The following FSCN3 variants were observed in gnomAD, a reference collection of about 807,000 sequenced individuals.
FSCN3 encodes the protein fascin-3.
In FSCN3, 43 loss-of-function variants were observed where a neutral mutation model predicts 53.5. The ratio of observed to expected loss-of-function variants is 0.80; its 90% CI spans 0.63 to 1.04. FSCN3 has a LOEUF of 1.04. Among genes scored for constraint, FSCN3 ranks in the 50% least tolerant of loss-of-function variants. The pLI, the probability that FSCN3 is intolerant of heterozygous loss-of-function variation, is 0.00. For synonymous variants in FSCN3, 235 were observed against 246.6 expected, an observed-to-expected ratio of 0.95 and a Z score of 0.44; for missense variants, 594 against 646.5, an observed-to-expected ratio of 0.92 and a Z score of 0.88.
rs766064682 is a variant in FSCN3 at position 127,593,832 on chromosome 7, C to T, written c.-22C>T. ...GGGGGAGGGCTGGGCCAGACGGAGA[C>T]ATCACCTGTGGTGTCAGCCCCATGG... On this transcript the variant is annotated 5_prime_UTR_variant, in exon 1 of 7. Coordinates refer to ENST00000265825, the MANE Select transcript of FSCN3 (RefSeq NM_020369.3). The T allele has an allele frequency of 6.4e-6, 10 of 1,556,708 alleles. No individual in the cohort carries two copies. The highest frequency in any genetic ancestry group is 1.9e-5 in the Admixed American group (1 of 51,466).
At position 127,593,767 on chromosome 7, in the gene FSCN3, C is replaced by A; in HGVS notation, c.-87C>A. The A allele has an allele frequency of 2.8e-6, 4 of 1,436,368 alleles. No individual in the cohort carries two copies. The South Asian group carries it at 5.1e-5, about 18-fold the overall frequency. The allele number at this position is 1,436,368 out of a possible 1,614,324, so 89.0% of individuals were successfully genotyped here. On this transcript the variant is annotated 5_prime_UTR_variant, in exon 1 of 7. Coordinates refer to ENST00000265825, the MANE Select transcript of FSCN3 (RefSeq NM_020369.3). ...GGGAACATCTGGTGGGTACTACAGGCCCTATTCCAGGCCCTATGGCCTGTG... is the reference window on the plus strand; with the variant it reads ...GGGAACATCTGGTGGGTACTACAGGACCTATTCCAGGCCCTATGGCCTGTG...
intron 6 of FSCN3, among the ~76,000 whole-genome samples, chr7:127,600,824 G>A (rs1794463217): frequency 6.6e-6 from 1 of 152,058 alleles, no homozygotes; most frequent in Non-Finnish European, 1.5e-5. Flanking sequence ...GGACCCCTGG[G>A]TCTCTTGAAT....
intron 5 of FSCN3, 90 bp from the exon 6 acceptor site, chr7:127,600,104 G>A (rs1794450802): frequency 1.4e-6 from 1 of 738,268 alleles, no homozygotes; most frequent in African/African-American, 1.7e-5. Flanking sequence ...CTAGGGGAGG[G>A]TGGCATGCCT....
chr7:127,596,600 C>CT, intron 3 of FSCN3, 154 bp downstream of exon 3: 1 of 425,808 alleles, frequency 2.3e-6, no homozygotes, highest in South Asian at 7.1e-5. Flanking sequence ...ATGGGGGCTC[C>CT]TTTAAAAAAA....
intron 6 of FSCN3, among the ~76,000 whole-genome samples, chr7:127,601,034 G>A (rs1794467068): frequency 6.6e-6 from 1 of 152,162 alleles, no homozygotes. Context: ...CCTCCCAAAT[G>A]CTCAGGCTCA....
chr7:127,596,409 T>A lies in FSCN3; in HGVS notation c.923T>A (p.Val308Glu). The part of the protein sequence containing the change: ...QFECDSESPT[V>E]QLRSANGYYL... The stretch of plus-strand genomic sequence containing the variant: ...GAATGTGACAGTGAGAGCCCCACTG[T>A]GCAGCTTCGTTCAGCCAATGGCTAC... The change falls in exon 3 of 7, where the codon GTG becomes GAG. Residue 308 changes from valine to glutamate, a missense_variant. By Grantham distance (121) the Val-to-Glu change is moderately radical. Coordinates refer to ENST00000265825, the MANE Select transcript of FSCN3 (RefSeq NM_020369.3). The A allele has an allele frequency of 6.2e-7, 1 of 1,607,934 alleles. No homozygotes were observed. The highest frequency in any genetic ancestry group is 1.1e-5 in the South Asian group (1 of 90,980).
intron 1 of FSCN3, among the ~76,000 whole-genome samples, chr7:127,594,283 C>T (rs1463301670): frequency 3.1e-5 from 3 of 95,726 alleles, no homozygotes; most frequent in Admixed American, 1.2e-4. Flanking sequence ...TGTGTGTGCG[C>T]ACTTGCCTGT....
chr7:127,596,115 G>A, intron 2 of FSCN3, 112 bp downstream of exon 2: 1 of 1,482,954 alleles, frequency 6.7e-7, no homozygotes, highest in Non-Finnish European at 8.9e-7. Context: ...GAAGATCCTG[G>A]GGACCCAAGG....
Position 127,593,996 on chromosome 7 carries a change from A to G in FSCN3, c.143A>G (p.Gln48Arg), listed in dbSNP as rs1794334527. 3 of 1,612,782 alleles carry G rather than the reference A, an allele frequency of 1.9e-6. No individual in the cohort carries two copies. The highest frequency in any genetic ancestry group is 2.5e-6 in the Non-Finnish European group (3 of 1,179,538). The change falls in exon 1 of 7, where the codon CAG becomes CGG. Residue 48 changes from glutamine to arginine, a missense_variant and splice_region_variant. Transcript: ENST00000265825. ...ACTGCGAAGAGTTTGGGCAGGAGACAGGTGACAAAGCAAACCCATGCTGGC... is the reference window on the plus strand; with the variant it reads ...ACTGCGAAGAGTTTGGGCAGGAGACGGGTGACAAAGCAAACCCATGCTGGC... ...TATAKSLGRR[Q>R]TWEILVSNEH... is the part of the protein sequence containing the mutation.
At chr7:127,594,775 A>T (rs1175619502) in intron 1 of FSCN3, 1 of 471,224 alleles carries the variant, frequency 2.1e-6, no homozygotes, top group Non-Finnish European at 4.4e-6. Context: ...TCCTCTTATA[A>T]CAAGGTTGAT....
rs777100121 is a variant in FSCN3, at chr7:127,598,696, T to C, written c.1120+102T>C. 381 of 1,016,288 alleles carry C rather than the reference T, an allele frequency of 3.7e-4. 2 individuals carry two copies. Among genetic ancestry groups the C allele is most frequent in the Non-Finnish European group, 5.1e-4 (352 of 686,356 alleles). 63.0% of individuals were successfully genotyped at this position (1,016,288 alleles called of 1,614,324 possible). ...AAAGAGCACTGAAGGCCGGGCGTGG[T>C]GGCTCATGCCTGTAATCCCAGCACT... is the stretch of plus-strand genomic sequence containing the variant. On this transcript the variant is annotated intron_variant, in intron 4 of 6. Coordinates refer to ENST00000265825, the MANE Select transcript of FSCN3 (RefSeq NM_020369.3).
At chr7:127,594,682 C>T (rs1333709302) in intron 1 of FSCN3, 3 of 471,024 alleles carry the variant, frequency 6.4e-6, no homozygotes, top group African/African-American at 6.0e-5. Context: ...ACTCCAGAAG[C>T]CCTAGCAGTG....
chr7:127,599,259 G>C lies in FSCN3; in HGVS notation c.1121-122G>C. ...TAGCATAAGACCTGACACATAGTAGGTGTTCATTCACTGTTAAAATATTGA... is the reference window on the plus strand; with the variant it reads ...TAGCATAAGACCTGACACATAGTAGCTGTTCATTCACTGTTAAAATATTGA... On this transcript the variant is annotated intron_variant, in intron 4 of 6. Coordinates refer to ENST00000265825, the MANE Select transcript of FSCN3 (RefSeq NM_020369.3). 4.1e-6 allele frequency: 3 copies of C among 731,566 alleles called. No homozygotes were observed. The East Asian group carries it at 7.4e-5, about 18-fold the overall frequency. 45.3% of individuals were successfully genotyped at this position (731,566 alleles called of 1,614,324 possible). A position where few individuals can be genotyped will look rare whatever the true frequency, so the allele number is the denominator to read the frequency against.
In FSCN3 at chr7:127,595,532, T is replaced by C. The variant is rs1464360165; in HGVS notation, c.370T>C (p.Phe124Leu). 5 of 1,613,886 alleles carry C rather than the reference T, an allele frequency of 3.1e-6. No individual in the cohort carries two copies. The highest frequency in any genetic ancestry group is 1.6e-4 in the Middle Eastern group (1 of 6,062). Reference protein sequence around the residue: ...RYLESNGKDVFCTSHVLSAYH... With the variant: ...RYLESNGKDVLCTSHVLSAYH... ...TTTGGAGTCCAATGGCAAGGACGTG[T>C]TTTGCACTTCCCACGTCCTCTCAGC... Residue 124 changes from phenylalanine to leucine, a missense_variant, in exon 2 of 7, where the codon TTT becomes CTT. Phe to Leu is a conservative substitution (Grantham distance 22). Transcript: ENST00000265825.
Position 127,595,332 on chromosome 7 carries a change from A to C in FSCN3, c.170A>C (p.Glu57Ala), listed in dbSNP as rs775073701. The change falls in exon 2 of 7, where the codon GAG becomes GCG. Residue 57 changes from glutamate (E) to alanine (A), a missense_variant. Transcript: ENST00000265825. Reference protein sequence around the residue: ...RQTWEILVSNEHETQAVVRLK... With the variant: ...RQTWEILVSNAHETQAVVRLK... ...ACCTGGGAGATCTTGGTGAGCAATGAGCATGAGACACAGGCCGTGGTGCGA... is the reference window on the plus strand; with the variant it reads ...ACCTGGGAGATCTTGGTGAGCAATGCGCATGAGACACAGGCCGTGGTGCGA... 6.2e-7 allele frequency: 1 copy of C among 1,612,568 alleles called. No homozygotes were observed. Among genetic ancestry groups the C allele is most frequent in the South Asian group, 1.1e-5 (1 of 90,976 alleles).
chr7:127,595,253 G>T, intron 1 of FSCN3, 54 bp from the exon 2 acceptor site: 1 of 1,504,100 alleles, frequency 6.6e-7, no homozygotes, highest in South Asian at 1.3e-5. Flanking sequence ...AGGGCTCCTT[G>T]GTCTGGTAAC....
intron 6 of FSCN3, 110 bp downstream of exon 6, chr7:127,600,509 G>A: frequency 1.1e-5 from 7 of 651,060 alleles, no homozygotes; most frequent in Non-Finnish European, 1.7e-5. Flanking sequence ...GCACTCCCAG[G>A]CTGACTTCTG....
rs750036628 is a variant in FSCN3 at position 127,593,811 on chromosome 7, G to A, written c.-43G>A. On this transcript the variant is annotated 5_prime_UTR_variant, in exon 1 of 7. Coordinates refer to ENST00000265825, the MANE Select transcript of FSCN3 (RefSeq NM_020369.3). ...GCCTGTGGAACCTCACCACGGGGGG[G>A]AGGGCTGGGCCAGACGGAGACATCA... 18 of 1,550,974 alleles carry A rather than the reference G, an allele frequency of 1.2e-5. No homozygotes were observed. The highest frequency in any genetic ancestry group is 1.5e-5 in the Non-Finnish European group (17 of 1,146,430).
Position 127,595,440 on chromosome 7 carries a change from G to A in FSCN3, c.278G>A (p.Gly93Glu). ...GGCCGCCCAAGGACCAGCCACCATGGGTGCTTTCTACTGCGTTTCCACCGG... is the reference window on the plus strand; with the variant it reads ...GGCCGCCCAAGGACCAGCCACCATGAGTGCTTTCTACTGCGTTTCCACCGG... ...CYGRPRTSHH[G>E]CFLLRFHRNS... The change falls in exon 2 of 7, where the codon GGG (glycine) becomes GAG (glutamate). Residue 93 changes from glycine to glutamate, a missense_variant. Gly to Glu is a moderately conservative substitution (Grantham distance 98). Coordinates refer to ENST00000265825, the MANE Select transcript of FSCN3 (RefSeq NM_020369.3). The A allele has an allele frequency of 6.2e-7, 1 of 1,614,174 alleles. No homozygotes were observed. Among genetic ancestry groups the A allele is most frequent in the Non-Finnish European group, 8.5e-7 (1 of 1,180,030 alleles).
Sources: allele counts gnomAD v4.1 joint callset (sites outside exome capture counted in the v4.1 genomes callset), GRCh38; gene constraint gnomAD v4.1.1; transcripts MANE v1.5; gene names NCBI Gene and HGNC (gene_info 2026-07-23, HGNC 2026-07-21).